NONO: variants seen among roughly 807,000 people sequenced by gnomAD.
NONO encodes the protein non-POU domain-containing octamer-binding protein.
A neutral mutation model predicts 40.2 loss-of-function variants in NONO; 6 were observed. That is an observed-to-expected ratio of 0.15 (90% CI 0.08 to 0.29). NONO has a LOEUF of 0.29. Among genes scored for constraint, NONO ranks in the 10% least tolerant of loss-of-function variants. The probability of loss-of-function intolerance (pLI) is 1.00; values close to 1 mark genes in which losing one functional copy is unlikely to be tolerated. For missense variants in NONO, 133 were observed against 397.8 expected, an observed-to-expected ratio of 0.33 and a Z score of 5.66; for synonymous variants, 89 against 123.3, an observed-to-expected ratio of 0.72 and a Z score of 1.85.
Position 71,291,782 on chromosome X carries a change from A to C in NONO, c.158A>C (p.Glu53Ala). The change falls in exon 4 of 12, where the codon GAA (glutamate) becomes GCA (alanine). Residue 53 changes from glutamate (E) to alanine (A), a missense_variant. Coordinates refer to ENST00000276079, the MANE Select transcript of NONO (RefSeq NM_007363.5). The part of the protein sequence containing the change: ...ANGQQASSQN[E>A]GLTIDLKNFR... ...GTGACTGTGTGTCTTCTCTCAGATG[A>C]AGGCTTGACTATTGACCTGAAGAAT... 9.4e-6 allele frequency: 11 copies of C among 1,173,886 alleles called. No homozygotes were observed. The highest frequency in any genetic ancestry group is 1.3e-5 in the Non-Finnish European group (11 of 879,353).
chrX:71,297,304 A>G (rs2031474408), intron 7 of NONO, 73 bp from the exon 8 acceptor site: 11 of 985,657 alleles, frequency 1.1e-5, no homozygotes, highest in Non-Finnish European at 1.5e-5. Context: ...TGCTTTCTGG[A>G]TCTTTATTTG....
chrX:71,284,682 G>A (rs2031150052), intron 2 of NONO, among the ~76,000 whole-genome samples: 1 of 112,072 alleles, frequency 8.9e-6, no homozygotes, highest in Non-Finnish European at 1.9e-5. Context: ...GTTATTAAAT[G>A]AAAAGTCCTA....
chrX:71,294,172 C>G (rs1485732398), intron 4 of NONO, 55 bp from the exon 5 acceptor site: 2 of 1,121,094 alleles, frequency 1.8e-6, no homozygotes, highest in Non-Finnish European at 2.4e-6. Context: ...CTGTTGATGG[C>G]TGCTAAGGTG....
At chrX:71,291,517 G>T (rs1366734115) in intron 3 of NONO, among the ~76,000 whole-genome samples, 1 of 110,642 alleles carries the variant, frequency 9.0e-6, no homozygotes, top group African/African-American at 3.3e-5. Context: ...CTCTTTGGCC[G>T]GTAACGCCTA....
rs779407194 is a variant in NONO at position 71,290,758 on chromosome X, A to G, written c.121A>G (p.Ile41Val). The change falls in exon 3 of 12, where the codon ATA (isoleucine) becomes GTA (valine). Residue 41 changes from isoleucine (I) to valine (V), a missense_variant. This residue lies in a region of NONO where 28 missense variants were observed against 29.5 expected (regional missense o/e 0.95). Transcript: ENST00000276079. ...QQQQQPPPPPIPANGQQASSQ... is the reference protein window; with the variant it reads ...QQQQQPPPPPVPANGQQASSQ... The stretch of plus-strand genomic sequence containing the variant: ...ACAGCAGCAGCCGCCACCACCGCCA[A>G]TACCTGCAAATGGGCAACAGGCCAG... 1.5e-5 allele frequency: 18 copies of G among 1,187,726 alleles called. No individual in the cohort carries two copies. Among genetic ancestry groups the G allele is most frequent in the Non-Finnish European group, 2.0e-5 (18 of 882,400 alleles).
intron 3 of NONO, among the ~76,000 whole-genome samples, chrX:71,291,429 TCATCTGAAG>T (rs2031324445): frequency 9.0e-6 from 1 of 110,814 alleles, no homozygotes; most frequent in South Asian, 3.8e-4. Context: ...TTGTTTATTC[TCATCTGAAG>T]GTACGTTTTG....
chrX:71,292,083 A>C (rs1359966460), intron 4 of NONO, 111 bp downstream of exon 4: 1 of 515,219 alleles, frequency 1.9e-6, no homozygotes, highest in Non-Finnish European at 3.0e-6. Flanking sequence ...GTGTTCCTTG[A>C]AAGCTTGATG....
At chrX:71,296,817 G>C (rs747735826) in intron 6 of NONO, 34 bp from the exon 7 acceptor site, 1 of 1,172,244 alleles carries the variant, frequency 8.5e-7, no homozygotes, top group Non-Finnish European at 1.1e-6. Context: ...GGTAATTCTG[G>C]ACAAAGTTAG....
chrX:71,292,834 TCTAA>T (rs1237410452), intron 4 of NONO: 1 of 112,357 alleles, frequency 8.9e-6, no homozygotes, highest in Non-Finnish European at 1.9e-5. Context: ...ACGTCTGTAG[TCTAA>T]CTACTCAACT....
chrX:71,299,494 T>TATCA (rs1416761972), intron 11 of NONO, among the ~76,000 whole-genome samples: 1 of 112,815 alleles, frequency 8.9e-6, no homozygotes, highest in Non-Finnish European at 1.9e-5. Flanking sequence ...GGCTAGGCAT[T>TATCA]ATCACATAAA....
chrX:71,297,362 C>CT lies in NONO; in HGVS notation c.944-14dup. ...GAAGACAATGAGGAATATTCTTAGT[C>CT]TGTTGTTTTTTTAGATTTGATGAGG... On this transcript the variant is annotated splice_polypyrimidine_tract_variant and intron_variant, in intron 7 of 11. Transcript: ENST00000276079. The CT allele has an allele frequency of 8.7e-7, 1 of 1,154,670 alleles. No homozygotes were observed. Among genetic ancestry groups the CT allele is most frequent in the Non-Finnish European group, 1.2e-6 (1 of 859,881 alleles).
At position 71,296,524 on chromosome X, in the gene NONO, G is replaced by A. The variant is rs2031455686; in HGVS notation, c.651-41G>A. ...CATGTGTAGAGAAGAAGCCTGGTGG[G>A]GTATGATTTGATTAACACTGAACTT... On this transcript the variant is annotated intron_variant, in intron 5 of 11. Transcript: ENST00000276079. 1.2e-5 allele frequency: 11 copies of A among 930,217 alleles called. 1 individual carries two copies. The highest frequency in any genetic ancestry group is 1.5e-5 in the Non-Finnish European group (10 of 657,008). 76.7% of individuals were successfully genotyped at this position (930,217 alleles called of 1,213,427 possible).
intron 4 of NONO, chrX:71,292,770 G>C (rs927448788): frequency 8.9e-6 from 1 of 112,048 alleles, no homozygotes. Flanking sequence ...ACGGTGCCTG[G>C]TTTATTTGTA....
chrX:71,286,969 CAG>C (rs2031202678), intron 2 of NONO, among the ~76,000 whole-genome samples: 1 of 112,150 alleles, frequency 8.9e-6, no homozygotes, highest in South Asian at 3.6e-4. Flanking sequence ...TGACATTAAA[CAG>C]ATTAGGAATG....
intron 5 of NONO, 74 bp from the exon 6 acceptor site, chrX:71,296,491 G>A: frequency 1.5e-6 from 1 of 666,824 alleles, no homozygotes. Flanking sequence ...AATTCATTGT[G>A]CCAGTGACAT....
intron 8 of NONO, 89 bp downstream of exon 8, chrX:71,297,550 A>T: frequency 1.4e-6 from 1 of 694,904 alleles, no homozygotes; most frequent in Non-Finnish European, 2.1e-6. Context: ...TCGTGTATTT[A>T]TAAATGTGTT....
chrX:71,296,137 T>C (rs1343551120), intron 5 of NONO, among the ~76,000 whole-genome samples: 1 of 108,283 alleles, frequency 9.2e-6, no homozygotes, highest in African/African-American at 3.5e-5. Context: ...CTTTTTTCTT[T>C]TTCTTTTCTT....
At chrX:71,287,269 C>T (rs1263156924) in intron 2 of NONO, among the ~76,000 whole-genome samples, 2 of 110,624 alleles carry the variant, frequency 1.8e-5, no homozygotes, top group Admixed American at 1.9e-4. Context: ...TCGGTAGAGA[C>T]GGGTTTTCAC....
intron 4 of NONO, 168 bp downstream of exon 4, chrX:71,292,140 T>A (rs1232326218): frequency 2.6e-6 from 1 of 383,938 alleles, no homozygotes; most frequent in Non-Finnish European, 4.3e-6. Flanking sequence ...CTCATAAGTT[T>A]TGTTTCAAGG....
Sources: gnomAD v4.1 joint callset for allele counts (sites outside exome capture counted in the v4.1 genomes callset) on GRCh38, gnomAD v4.1.1 for gene constraint, gnomAD v4.1.1 regional missense constraint, MANE v1.5 for transcripts, NCBI Gene and HGNC (gene_info 2026-07-23, HGNC 2026-07-21) for gene names.